Variants in CFAP61 observed in about 807,000 individuals in gnomAD.
The protein encoded by CFAP61 is cilia- and flagella-associated protein 61.
In CFAP61, 107 loss-of-function variants were observed where a neutral mutation model predicts 135.6. The observed-to-expected ratio is 0.79, with a 90% CI of 0.67 to 0.93. The LOEUF is 0.93. Among genes scored for constraint, CFAP61 ranks in the 40% least tolerant of loss-of-function variants. The probability of loss-of-function intolerance (pLI) is 0.00; values close to 1 mark genes in which losing one functional copy is unlikely to be tolerated. For missense variants in CFAP61, 1,507 were observed against 1,556.2 expected, an observed-to-expected ratio of 0.97 and a Z score of 0.53; for synonymous variants, 575 against 578.5, an observed-to-expected ratio of 0.99 and a Z score of 0.09.
intron 18 of CFAP61, among the ~76,000 whole-genome samples, chr20:20,242,560 A>AAATT (rs1385173862): frequency 2.6e-5 from 4 of 152,208 alleles, no homozygotes; most frequent in Admixed American, 2.6e-4. Flanking sequence ...ACTGCTTATG[A>AAATT]GCTTTGTAAC....
rs537261036 is a variant in CFAP61, at chr20:20,263,015, C to A, written c.2388C>A (p.Asn796Lys). The change falls in exon 21 of 27, where the codon AAC becomes AAA. Residue 796 changes from asparagine to lysine, a missense_variant. Transcript: ENST00000245957. Reference sequence around the variant, plus strand: ...ACCTGACAAACAGGGAGGTTCCCAACAGCAGTCAGCGGCGGTACACGGGGA... The same window carrying A: ...ACCTGACAAACAGGGAGGTTCCCAAAAGCAGTCAGCGGCGGTACACGGGGA... ...SQHLTNREVPNSSQRRYTGKV... is the reference protein window; with the variant it reads ...SQHLTNREVPKSSQRRYTGKV... The A allele has an allele frequency of 6.2e-7, 1 of 1,613,832 alleles. No individual in the cohort carries two copies. Among genetic ancestry groups the A allele is most frequent in the African/African-American group, 1.3e-5 (1 of 74,874 alleles).
chr20:20,108,404 C>T (rs936097217), intron 8 of CFAP61, among the ~76,000 whole-genome samples: 8 of 151,928 alleles, frequency 5.3e-5, no homozygotes, highest in African/African-American at 1.9e-4. Flanking sequence ...AATGTAAAAA[C>T]CCCAAGTCTC....
rs150418523 is a variant in CFAP61, at chr20:20,217,312, A to G, written c.1933-10937A>G. Among the ~76,000 whole-genome samples the G allele has an allele frequency of 2.0e-5, 3 of 152,368 alleles. No homozygotes were observed. In the East Asian group the frequency reaches 5.8e-4, roughly 29 times the overall value. On this transcript the variant is annotated intron_variant, in intron 17 of 26. Transcript: ENST00000245957. ...TTAATTTCTTCAGACTAAGTCAGAG[A>G]TACAATTGGATGTCAACAGAAATAG...
At chr20:20,300,826 G>A (rs1009875807) in intron 25 of CFAP61, among the ~76,000 whole-genome samples, 4 of 151,864 alleles carry the variant, frequency 2.6e-5, no homozygotes, top group Non-Finnish European at 5.9e-5. Context: ...GGCTGGTCTC[G>A]AATTACCAAC....
chr20:20,056,727 A>T lies in CFAP61; in HGVS notation c.74A>T (p.Tyr25Phe), dbSNP rs533165246. 1.1e-5 allele frequency: 18 copies of T among 1,614,098 alleles called. No homozygotes were observed. In the African/African-American group the frequency reaches 2.3e-4, roughly 20 times the overall value. ...CGAAGAACAGAATCACAGGATGTTTATTGTATCAAAAGCCTTATTAGAAAA... is the reference window on the plus strand; with the variant it reads ...CGAAGAACAGAATCACAGGATGTTTTTTGTATCAAAAGCCTTATTAGAAAA... ...HCRRTESQDVYCIKSLIRKFT... is the reference protein window; with the variant it reads ...HCRRTESQDVFCIKSLIRKFT... Residue 25 changes from tyrosine to phenylalanine, a missense_variant, in exon 2 of 27, where the codon TAT becomes TTT. Tyr to Phe is a conservative substitution (Grantham distance 22). Transcript: ENST00000245957.
At chr20:20,310,969 G>A (rs756532592) in intron 25 of CFAP61, among the ~76,000 whole-genome samples, 24 of 152,304 alleles carry the variant, frequency 1.6e-4, no homozygotes, top group Middle Eastern at 3.4e-3. Flanking sequence ...CATGTCCATC[G>A]TCCACGTCCT....
At chr20:20,176,518 A>G (rs533102220) in intron 13 of CFAP61, among the ~76,000 whole-genome samples, 1 of 152,374 alleles carries the variant, frequency 6.6e-6, no homozygotes, top group South Asian at 2.1e-4. Flanking sequence ...ATGGAATACT[A>G]TGTAGCCATA....
intron 8 of CFAP61, among the ~76,000 whole-genome samples, chr20:20,139,450 A>G (rs1395942162): frequency 6.6e-6 from 1 of 152,228 alleles, no homozygotes; most frequent in Admixed American, 6.5e-5. Context: ...CATGACTTCT[A>G]AACTACTTAG....
rs1030257632 is a variant in CFAP61 at position 20,072,070 on chromosome 20, T to A, written c.294+1066T>A. Among the ~76,000 whole-genome samples, 30 of 147,688 alleles carry A rather than the reference T, an allele frequency of 2.0e-4. No individual in the cohort carries two copies. In the East Asian group the frequency reaches 4.3e-3, roughly 21 times the overall value. ...TTATTGTCTTACAGGATGTGACCTA[T>A]TTGGTATCTAATCTAGCAATCTTTT... On this transcript the variant is annotated intron_variant, in intron 3 of 26. Coordinates refer to ENST00000245957, the MANE Select transcript of CFAP61 (RefSeq NM_015585.4).
chr20:20,204,741 T>TA (rs932480936), intron 17 of CFAP61, among the ~76,000 whole-genome samples: 2 of 152,202 alleles, frequency 1.3e-5, no homozygotes, highest in African/African-American at 4.8e-5. Flanking sequence ...TAGAGGTTTC[T>TA]AAAAAGGCAG....
chr20:20,166,512 T>C, intron 12 of CFAP61, 76 bp downstream of exon 12: 1 of 1,145,428 alleles, frequency 8.7e-7, no homozygotes, highest in Non-Finnish European at 1.3e-6. Context: ...GCCATAAATT[T>C]ATTATGCTGT....
At chr20:20,219,234 C>T (rs931177110) in intron 17 of CFAP61, among the ~76,000 whole-genome samples, 1 of 152,086 alleles carries the variant, frequency 6.6e-6, no homozygotes, top group Middle Eastern at 3.2e-3. Flanking sequence ...TGGATGCTGC[C>T]CAGTTCATGA....
At chr20:20,158,096 T>G (rs1205609074) in intron 9 of CFAP61, among the ~76,000 whole-genome samples, 46 of 121,694 alleles carry the variant, frequency 3.8e-4, no homozygotes, top group African/African-American at 5.9e-4. Flanking sequence ...TGTGGTGGGG[T>G]GGGGGGAGGG....
intron 8 of CFAP61, among the ~76,000 whole-genome samples, chr20:20,126,681 T>A (rs995977896): frequency 1.3e-5 from 2 of 151,910 alleles, no homozygotes; most frequent in African/African-American, 2.4e-5. Flanking sequence ...GATAACCTGA[T>A]GACAGTTTGC....
chr20:20,237,287 G>C (rs760486372), intron 18 of CFAP61, among the ~76,000 whole-genome samples: 1 of 152,084 alleles, frequency 6.6e-6, no homozygotes, highest in Non-Finnish European at 1.5e-5. Context: ...CCAGGGTTGA[G>C]TCACACCCAG....
chr20:20,070,612 A>G lies in CFAP61; in HGVS notation c.144-242A>G, dbSNP rs553285656. On this transcript the variant is annotated intron_variant, in intron 2 of 26. Transcript: ENST00000245957. ...CCAAGGGAAAGATAGTAGATACTCA[A>G]TATCATAAATGTAATACCTTTCTAA... Among the ~76,000 whole-genome samples, 50 of 152,338 alleles carry G rather than the reference A, an allele frequency of 3.3e-4. No individual in the cohort carries two copies. In the South Asian group the frequency reaches 9.7e-3, roughly 30 times the overall value.
intron 2 of CFAP61, among the ~76,000 whole-genome samples, chr20:20,062,383 C>G (rs527342986): frequency 6.6e-6 from 1 of 152,090 alleles, no homozygotes; most frequent in Non-Finnish European, 1.5e-5. Context: ...AATAGCAGGT[C>G]TTAGAGGGAA....
At chr20:20,355,879 G>A (rs1602172081) in intron 26 of CFAP61, among the ~76,000 whole-genome samples, 1 of 146,938 alleles carries the variant, frequency 6.8e-6, no homozygotes, top group African/African-American at 2.6e-5. Flanking sequence ...ACACTGTGAG[G>A]GGAGGTGGTC....
intron 9 of CFAP61, among the ~76,000 whole-genome samples, chr20:20,150,632 A>G (rs1212121401): frequency 6.6e-6 from 1 of 152,148 alleles, no homozygotes; most frequent in East Asian, 1.9e-4. Flanking sequence ...TCTACAACCA[A>G]GGACTCTCAC....
Sources: allele counts gnomAD v4.1 joint callset (sites outside exome capture counted in the v4.1 genomes callset), GRCh38; gene constraint gnomAD v4.1.1; transcripts MANE v1.5; gene names NCBI Gene and HGNC (gene_info 2026-07-23, HGNC 2026-07-21).